IGF2BP3: variants seen among roughly 807,000 people sequenced by gnomAD.
IGF2BP3 encodes insulin-like growth factor 2 mRNA-binding protein 3.
A neutral mutation model predicts 73.8 loss-of-function variants in IGF2BP3; 9 were observed. The ratio of observed to expected loss-of-function variants is 0.12; its 90% CI spans 0.07 to 0.21. The LOEUF is 0.21. IGF2BP3 is among the 10% of genes least tolerant of loss of function. The probability of loss-of-function intolerance (pLI) is 1.00; values close to 1 mark genes in which losing one functional copy is unlikely to be tolerated. For synonymous variants in IGF2BP3, 258 were observed against 256.7 expected, an observed-to-expected ratio of 1.01 and a Z score of -0.05; for missense variants, 542 against 714.0, an observed-to-expected ratio of 0.76 and a Z score of 2.75.
chr7:23,340,595 TTAAG>T (rs1379145169), intron 10 of IGF2BP3, among the ~76,000 whole-genome samples: 9 of 152,100 alleles, frequency 5.9e-5, no homozygotes, highest in African/African-American at 9.7e-5. Context: ...AATATTAATA[TTAAG>T]TAAGTGAGCC....
intron 2 of IGF2BP3, among the ~76,000 whole-genome samples, chr7:23,419,638 G>A (rs1367394430): frequency 6.6e-6 from 1 of 152,176 alleles, no homozygotes; most frequent in Non-Finnish European, 1.5e-5. Flanking sequence ...GATCACTTGA[G>A]GTCTGGAGGT....
In IGF2BP3 at chr7:23,312,199, C is replaced by T. The variant is rs1783850480; in HGVS notation, c.*163G>A. 1 of 462,888 alleles carries T rather than the reference C, an allele frequency of 2.2e-6. No individual in the cohort carries two copies. Among genetic ancestry groups the T allele is most frequent in the South Asian group, 2.1e-5 (1 of 46,766 alleles). The allele number at this position is 462,888 out of a possible 1,614,324, so 28.7% of individuals were successfully genotyped here. On this transcript the variant is annotated 3_prime_UTR_variant, in exon 15 of 15. Transcript: ENST00000258729. ...TTTCAGAGAGCATAAAGTATACATT[C>T]TCACAGAGACAGGAGTTCAAAAGTT...
rs146480349 is a variant in IGF2BP3, at chr7:23,459,274, A to T, written c.236+9208T>A. The stretch of plus-strand genomic sequence containing the variant: ...ACTATTGTGACCAAAGACAGGATTC[A>T]TAATTGGGGAAACATGCTACTTTAC... On this transcript the variant is annotated intron_variant, in intron 2 of 14. Transcript: ENST00000258729. Among the ~76,000 whole-genome samples, 8 of 152,304 alleles carry T rather than the reference A, an allele frequency of 5.3e-5. 1 individual carries two copies. Among genetic ancestry groups the T allele is most frequent in the African/African-American group, 1.9e-4 (8 of 41,572 alleles).
At chr7:23,374,208 T>C (rs1410444892) in intron 3 of IGF2BP3, among the ~76,000 whole-genome samples, 1 of 152,074 alleles carries the variant, frequency 6.6e-6, no homozygotes, top group Non-Finnish European at 1.5e-5. Flanking sequence ...TAGCCAATAA[T>C]TGAAAGGTGA....
chr7:23,357,010 A>C (rs1490279964), intron 5 of IGF2BP3, among the ~76,000 whole-genome samples: 3 of 152,220 alleles, frequency 2.0e-5, no homozygotes, highest in African/African-American at 4.8e-5. Context: ...GTAATTCTGA[A>C]AGTTATAATG....
chr7:23,340,992 G>A (rs1366269289), intron 10 of IGF2BP3, among the ~76,000 whole-genome samples: 1 of 151,870 alleles, frequency 6.6e-6, no homozygotes, highest in South Asian at 2.1e-4. Flanking sequence ...TGGGATTACA[G>A]GCACCTGCCA....
intron 3 of IGF2BP3, among the ~76,000 whole-genome samples, chr7:23,399,770 T>C (rs769408727): frequency 5.3e-5 from 8 of 152,144 alleles, no homozygotes; most frequent in Non-Finnish European, 1.2e-4. Context: ...GCAATATTGA[T>C]CAGTAAAACA....
At chr7:23,430,772 G>A (rs1787654301) in intron 2 of IGF2BP3, among the ~76,000 whole-genome samples, 1 of 152,154 alleles carries the variant, frequency 6.6e-6, no homozygotes, top group Non-Finnish European at 1.5e-5. Flanking sequence ...TGCTGACTTG[G>A]CAGTGTCTTA....
At chr7:23,321,214 T>C (rs557424717) in intron 10 of IGF2BP3, among the ~76,000 whole-genome samples, 68 of 151,748 alleles carry the variant, frequency 4.5e-4, no homozygotes, top group African/African-American at 1.4e-3. Context: ...AGTGGGTGCA[T>C]GCACCATGGG....
At chr7:23,312,907 C>T (rs1208220051) in intron 13 of IGF2BP3, 59 bp from the exon 14 acceptor site, 30 of 1,051,688 alleles carry the variant, frequency 2.9e-5, no homozygotes, top group Non-Finnish European at 3.5e-5. Context: ...ACTTCCTAAG[C>T]ACTTACTGTG....
chr7:23,332,891 A>G (rs1290946141), intron 10 of IGF2BP3, among the ~76,000 whole-genome samples: 2 of 152,344 alleles, frequency 1.3e-5, no homozygotes, highest in African/African-American at 2.4e-5. Flanking sequence ...TGGGATCTAA[A>G]TATTTTATCT....
intron 5 of IGF2BP3, among the ~76,000 whole-genome samples, chr7:23,352,658 G>C (rs1222860831): frequency 1.3e-5 from 2 of 152,078 alleles, no homozygotes; most frequent in African/African-American, 2.4e-5. Flanking sequence ...AAATTTCAGT[G>C]AATTTTCACA....
intron 10 of IGF2BP3, among the ~76,000 whole-genome samples, chr7:23,323,291 T>C (rs2128494227): frequency 6.8e-6 from 1 of 148,100 alleles, no homozygotes; most frequent in Non-Finnish European, 1.5e-5. Flanking sequence ...TAAAACAGAC[T>C]TTAAACCAAC....
At chr7:23,345,876 A>G in intron 8 of IGF2BP3, 64 bp downstream of exon 8, 1 of 1,569,234 alleles carries the variant, frequency 6.4e-7, no homozygotes, top group East Asian at 2.2e-5. Context: ...AGCTAAGCCC[A>G]ATACACAACA....
Position 23,361,679 on chromosome 7 carries a change from A to G in IGF2BP3, c.337+11T>C, listed in dbSNP as rs1785232911. On this transcript the variant is annotated intron_variant, in intron 4 of 14. Coordinates refer to ENST00000258729, the MANE Select transcript of IGF2BP3 (RefSeq NM_006547.3). ...TTTTACAAATTTGAAAGCAATTCAG[A>G]AGACATGTACCTTGCTCACAGCTCT... 6.2e-7 allele frequency: 1 copy of G among 1,613,826 alleles called. No homozygotes were observed. Among genetic ancestry groups the G allele is most frequent in the African/African-American group, 1.3e-5 (1 of 74,930 alleles).
chr7:23,377,838 G>A (rs1049581708), intron 3 of IGF2BP3, among the ~76,000 whole-genome samples: 1 of 152,090 alleles, frequency 6.6e-6, no homozygotes, highest in African/African-American at 2.4e-5. Context: ...AGTGAAGGAA[G>A]CCAGACATAA....
At chr7:23,445,021 G>T (rs1201882105) in intron 2 of IGF2BP3, among the ~76,000 whole-genome samples, 9 of 152,158 alleles carry the variant, frequency 5.9e-5, no homozygotes, top group Non-Finnish European at 8.8e-5. Context: ...TTATACCACT[G>T]CATTCCAGCC....
intron 8 of IGF2BP3, among the ~76,000 whole-genome samples, chr7:23,344,456 A>G (rs1436343389): frequency 6.6e-6 from 1 of 152,224 alleles, no homozygotes; most frequent in Non-Finnish European, 1.5e-5. Flanking sequence ...CTAAAATTTA[A>G]AATGGTTCAC....
At chr7:23,314,660 A>G (rs1783928180) in intron 12 of IGF2BP3, among the ~76,000 whole-genome samples, 1 of 152,006 alleles carries the variant, frequency 6.6e-6, no homozygotes, top group Non-Finnish European at 1.5e-5. Flanking sequence ...TGCCAAGCTC[A>G]CTAAAAGTCA....
Sources: gnomAD v4.1 joint callset for allele counts (sites outside exome capture counted in the v4.1 genomes callset) on GRCh38, gnomAD v4.1.1 for gene constraint, MANE v1.5 for transcripts, NCBI Gene and HGNC (gene_info 2026-07-23, HGNC 2026-07-21) for gene names.